THADA: variants seen among roughly 807,000 people sequenced by gnomAD.
The protein encoded by THADA is tRNA (32-2'-O)-methyltransferase regulator THADA.
THADA carries 213 observed loss-of-function variants against 219.8 expected under a neutral mutation model. The ratio of observed to expected loss-of-function variants is 0.97; its 90% CI spans 0.87 to 1.09. THADA has a LOEUF of 1.09. Among genes scored for constraint, THADA ranks in the 50% least tolerant of loss-of-function variants. The pLI is 0.00. For synonymous variants in THADA, 1,018 were observed against 828.9 expected, an observed-to-expected ratio of 1.23 and a Z score of -3.92; for missense variants, 2,956 against 2,311.3, an observed-to-expected ratio of 1.28 and a Z score of -5.72.
At chr2:43,269,973 G>A (rs577327231) in intron 36 of THADA, among the ~76,000 whole-genome samples, 61 of 152,252 alleles carry the variant, frequency 4.0e-4, no homozygotes, top group African/African-American at 1.3e-3. Context: ...CAGTGTTGCT[G>A]GAGTTCCTCC....
intron 36 of THADA, among the ~76,000 whole-genome samples, chr2:43,270,312 G>T (rs1290296995): frequency 1.3e-5 from 2 of 152,110 alleles, no homozygotes; most frequent in Non-Finnish European, 2.9e-5. Context: ...TTTAGGAGGG[G>T]CACTGGAGAA....
intron 35 of THADA, among the ~76,000 whole-genome samples, chr2:43,281,783 T>C (rs1673394299): frequency 6.6e-6 from 1 of 151,702 alleles, no homozygotes; most frequent in Non-Finnish European, 1.5e-5. Context: ...CAGTACCTTT[T>C]TCATTGAGAT....
At chr2:43,527,833 T>C (rs1393971287) in intron 22 of THADA, 46 bp downstream of exon 22, 1 of 1,330,962 alleles carries the variant, frequency 7.5e-7, no homozygotes. Context: ...ATATGCTTTG[T>C]ATATTTAGTC....
At chr2:43,270,620 T>A (rs1235723030) in intron 36 of THADA, among the ~76,000 whole-genome samples, 1 of 152,208 alleles carries the variant, frequency 6.6e-6, no homozygotes, top group African/African-American at 2.4e-5. Flanking sequence ...GAGCTCCAAC[T>A]CTGGCTCTGA....
rs1670022668 is a variant in THADA, at chr2:43,253,528, G to A, written c.5297-20646C>T. Among the ~76,000 whole-genome samples, 5 of 152,136 alleles carry A rather than the reference G, an allele frequency of 3.3e-5. No homozygotes were observed. In the South Asian group the frequency reaches 1.0e-3, roughly 32 times the overall value. On this transcript the variant is annotated intron_variant, in intron 36 of 37. Coordinates refer to ENST00000405975, the MANE Select transcript of THADA (RefSeq NM_022065.5). The stretch of plus-strand genomic sequence containing the variant: ...ACCTTTCAACAGTGTTTGCGTGGGT[G>A]ACCAAACCTGCCCTCTTGATAGTTT...
At chr2:43,233,161 T>G in intron 36 of THADA, 1 of 376,402 alleles carries the variant, frequency 2.7e-6, no homozygotes. Flanking sequence ...GAGAGTTATC[T>G]CCCCTCTGCT....
intron 36 of THADA, among the ~76,000 whole-genome samples, chr2:43,257,607 T>C (rs1022774261): frequency 5.9e-4 from 90 of 152,338 alleles, no homozygotes; most frequent in African/African-American, 2.0e-3. Flanking sequence ...CATGAGTTCA[T>C]TCCAGATATG....
intron 26 of THADA, among the ~76,000 whole-genome samples, chr2:43,469,446 G>C (rs1225346815): frequency 1.3e-5 from 2 of 151,926 alleles, no homozygotes; most frequent in African/African-American, 2.4e-5. Flanking sequence ...AATCTCACTA[G>C]TAATAAAAAC....
intron 22 of THADA, among the ~76,000 whole-genome samples, chr2:43,515,223 TATATAATATATAATATATA>T (rs1691432786): frequency 1.4e-5 from 1 of 71,658 alleles, no homozygotes; most frequent in African/African-American, 5.3e-5. Context: ...TAATATATTA[TATATAATATATAATATATA>T]ATATATTATA....
intron 22 of THADA, among the ~76,000 whole-genome samples, chr2:43,518,154 C>T (rs890041903): frequency 6.6e-6 from 1 of 152,134 alleles, no homozygotes. Context: ...ATTCCCAGCA[C>T]CTATAACACG....
At chr2:43,245,489 A>G (rs1669054801) in intron 36 of THADA, among the ~76,000 whole-genome samples, 1 of 152,134 alleles carries the variant, frequency 6.6e-6, no homozygotes, top group Non-Finnish European at 1.5e-5. Context: ...TTCTTTTATA[A>G]GAAAGTAAGT....
At chr2:43,589,035 G>A (rs1047961775) in intron 4 of THADA, among the ~76,000 whole-genome samples, 2 of 152,130 alleles carry the variant, frequency 1.3e-5, no homozygotes, top group Admixed American at 6.5e-5. Context: ...TGGTGGGAAT[G>A]TAAAATGTTG....
intron 28 of THADA, among the ~76,000 whole-genome samples, chr2:43,400,382 A>T (rs918948844): frequency 1.1e-4 from 17 of 150,948 alleles, no homozygotes; most frequent in Admixed American, 9.2e-4. Context: ...TTAATTAAGT[A>T]ACATTCATTA....
At chr2:43,457,589 T>G (rs150422080) in intron 26 of THADA, among the ~76,000 whole-genome samples, 2 of 152,196 alleles carry the variant, frequency 1.3e-5, no homozygotes, top group Non-Finnish European at 2.9e-5. Flanking sequence ...AGTTTTCATA[T>G]GTAAATTCTG....
intron 26 of THADA, among the ~76,000 whole-genome samples, chr2:43,436,553 C>T (rs1284194336): frequency 6.6e-6 from 1 of 152,208 alleles, no homozygotes; most frequent in Non-Finnish European, 1.5e-5. Context: ...CTGTCAATAT[C>T]TCTGAATGTC....
chr2:43,325,699 G>T (rs1679241340), intron 30 of THADA, among the ~76,000 whole-genome samples: 1 of 152,076 alleles, frequency 6.6e-6, no homozygotes, highest in Non-Finnish European at 1.5e-5. Flanking sequence ...CAGAGGGCAG[G>T]AGATTTAAAG....
At position 43,549,275 on chromosome 2, in the gene THADA, T is replaced by C; in HGVS notation, c.3041A>G (p.Asp1014Gly). 6.3e-7 allele frequency: 1 copy of C among 1,596,306 alleles called. No homozygotes were observed. The highest frequency in any genetic ancestry group is 8.5e-7 in the Non-Finnish European group (1 of 1,170,994). Residue 1014 changes from aspartate to glycine, a missense_variant, in exon 20 of 38, where the codon GAT becomes GGT. Coordinates refer to ENST00000405975, the MANE Select transcript of THADA (RefSeq NM_022065.5). ...FNQAKILKEH[D>G]SFDMKDLNAS... is the part of the protein sequence containing the mutation. ...ATTCAAGTCCTTCATATCAAAGCTATCATGTTCTTTCAATATTTTGGCTTG... is the reference window on the plus strand; with the variant it reads ...ATTCAAGTCCTTCATATCAAAGCTACCATGTTCTTTCAATATTTTGGCTTG...
chr2:43,245,808 G>C (rs138504660), intron 36 of THADA, among the ~76,000 whole-genome samples: 2 of 152,198 alleles, frequency 1.3e-5, no homozygotes, highest in Non-Finnish European at 2.9e-5. Flanking sequence ...GGGTGGTGCA[G>C]ATGGTCCTGA....
intron 26 of THADA, among the ~76,000 whole-genome samples, chr2:43,468,414 G>A (rs3884504): frequency 0.21 from 31,266 of 152,036 alleles, 3,445 homozygotes; most frequent in Non-Finnish European, 0.25. Context: ...ATTTTCTACT[G>A]AATAACTAAC....
Sources: allele counts gnomAD v4.1 joint callset (sites outside exome capture counted in the v4.1 genomes callset), GRCh38; gene constraint gnomAD v4.1.1; transcripts MANE v1.5; gene names NCBI Gene and HGNC (gene_info 2026-07-23, HGNC 2026-07-21).